Variants in BCAR3 observed in about 807,000 individuals in gnomAD.
The protein encoded by BCAR3 is breast cancer anti-estrogen resistance protein 3.
BCAR3 carries 37 observed loss-of-function variants against 80.1 expected under a neutral mutation model. The observed-to-expected ratio is 0.46, with a 90% CI of 0.36 to 0.61. BCAR3 has a LOEUF of 0.61. Among genes scored for constraint, BCAR3 ranks in the 20% least tolerant of loss-of-function variants. The pLI, the probability that BCAR3 is intolerant of heterozygous loss-of-function variation, is 0.00. For missense variants in BCAR3, 978 were observed against 1,068.2 expected, an observed-to-expected ratio of 0.92 and a Z score of 1.18; for synonymous variants, 389 against 418.9, an observed-to-expected ratio of 0.93 and a Z score of 0.87.
intron 2 of BCAR3, chr1:93,753,378 T>C (rs563732812): frequency 6.6e-6 from 1 of 152,354 alleles, no homozygotes; most frequent in South Asian, 2.1e-4. Flanking sequence ...TTGGATGGGA[T>C]GTCTCGCTGG....
At chr1:93,826,615 G>A (rs1233493927) in intron 2 of BCAR3, among the ~76,000 whole-genome samples, 1 of 152,162 alleles carries the variant, frequency 6.6e-6, no homozygotes, top group Non-Finnish European at 1.5e-5. Flanking sequence ...TTCCAGTGAG[G>A]GAGAAGACTT....
chr1:93,687,589 G>A (rs1429768914), intron 3 of BCAR3, among the ~76,000 whole-genome samples: 3 of 152,182 alleles, frequency 2.0e-5, no homozygotes, highest in African/African-American at 7.2e-5. Flanking sequence ...TTACAGGCGT[G>A]AGCCATCACA....
At chr1:93,598,716 CTT>C (rs930468745) in intron 3 of BCAR3, among the ~76,000 whole-genome samples, 67 of 152,332 alleles carry the variant, frequency 4.4e-4, no homozygotes, top group Non-Finnish European at 9.0e-4. Context: ...TACCCCACCT[CTT>C]TGTCCTTTGG....
chr1:93,843,765 G>A (rs1327839625), intron 2 of BCAR3, among the ~76,000 whole-genome samples: 3 of 152,054 alleles, frequency 2.0e-5, no homozygotes, highest in Non-Finnish European at 4.4e-5. Flanking sequence ...TTTGCTTATT[G>A]CTTCATATTC....
chr1:93,600,988 G>C (rs1046322669), intron 3 of BCAR3, among the ~76,000 whole-genome samples: 4 of 152,152 alleles, frequency 2.6e-5, no homozygotes, highest in Non-Finnish European at 5.9e-5. Flanking sequence ...TTGTCACATT[G>C]GGTGTGGAGG....
chr1:93,756,628 A>T (rs1651759508), intron 2 of BCAR3, among the ~76,000 whole-genome samples: 1 of 152,266 alleles, frequency 6.6e-6, no homozygotes, highest in Admixed American at 6.5e-5. Flanking sequence ...AAACATTTTT[A>T]AAAATTACTT....
intron 2 of BCAR3, among the ~76,000 whole-genome samples, chr1:93,786,727 A>G (rs925126079): frequency 6.6e-6 from 1 of 152,350 alleles, no homozygotes; most frequent in South Asian, 2.1e-4. Flanking sequence ...TTTTCCTTCC[A>G]GGTTTCCAAG....
At chr1:93,577,079 A>C (rs116668015) in intron 7 of BCAR3, among the ~76,000 whole-genome samples, 2,580 of 152,270 alleles carry the variant, frequency 0.017, 29 homozygotes, top group Non-Finnish European at 0.025. Context: ...ACTTGAGTAC[A>C]GGAGTTTGAG....
chr1:93,846,756 C>G (rs1160019381), intron 1 of BCAR3: 1 of 425,296 alleles, frequency 2.4e-6, no homozygotes, highest in African/African-American at 2.2e-5. Flanking sequence ...GGCGCGCGGG[C>G]TCGGGGCAGC....
At chr1:93,836,282 A>G (rs1356873236) in intron 2 of BCAR3, among the ~76,000 whole-genome samples, 2 of 152,166 alleles carry the variant, frequency 1.3e-5, no homozygotes, top group Non-Finnish European at 2.9e-5. Context: ...GAGCCTAAAA[A>G]CTTGCCAACC....
At chr1:93,718,691 T>TC (rs936777291) in intron 2 of BCAR3, among the ~76,000 whole-genome samples, 2 of 9,096 alleles carry the variant, frequency 2.2e-4, no homozygotes, top group African/African-American at 4.9e-4. Context: ...TGTTTTTCTT[T>TC]TTTTTTTTTT....
chr1:93,803,379 C>G (rs988376125), intron 2 of BCAR3, among the ~76,000 whole-genome samples: 3 of 152,180 alleles, frequency 2.0e-5, no homozygotes, highest in African/African-American at 7.2e-5. Context: ...TGTTTCCTTT[C>G]TTCCTTCCTA....
intron 3 of BCAR3, among the ~76,000 whole-genome samples, chr1:93,621,864 T>TTTGTTC (rs1228546750): frequency 6.7e-6 from 1 of 148,504 alleles, no homozygotes; most frequent in Non-Finnish European, 1.5e-5. Flanking sequence ...CCACATTGGT[T>TTTGTTC]TTGTTTTTGT....
intron 2 of BCAR3, among the ~76,000 whole-genome samples, chr1:93,722,001 A>G (rs968722181): frequency 6.6e-6 from 1 of 152,208 alleles, no homozygotes; most frequent in African/African-American, 2.4e-5. Flanking sequence ...TGTCTCCCCA[A>G]ATCACAGAAG....
chr1:93,668,816 A>G (rs1324486095), intron 2 of BCAR3, among the ~76,000 whole-genome samples: 1 of 150,670 alleles, frequency 6.6e-6, no homozygotes, highest in African/African-American at 2.4e-5. Context: ...AGTTCAAGTG[A>G]TTCTCCTGCC....
intron 3 of BCAR3, among the ~76,000 whole-genome samples, chr1:93,593,670 C>T (rs1202176923): frequency 6.6e-6 from 1 of 152,108 alleles, no homozygotes; most frequent in Non-Finnish European, 1.5e-5. Flanking sequence ...CCACCATGCC[C>T]GGCCTATTAC....
chr1:93,582,353 G>T lies in BCAR3; in HGVS notation c.1634C>A (p.Thr545Asn). 1 of 1,614,206 alleles carries T rather than the reference G, an allele frequency of 6.2e-7. No homozygotes were observed. The highest frequency in any genetic ancestry group is 8.5e-7 in the Non-Finnish European group (1 of 1,180,034). Residue 545 changes from threonine to asparagine, a missense_variant, in exon 7 of 12, where the codon ACC becomes AAC. Physicochemically the swap from Thr to Asn is moderately conservative, Grantham distance 65. Transcript: ENST00000260502. Reference protein sequence around the residue: ...AMLKRAKELFTNNDPKVIAQH... With the variant: ...AMLKRAKELFNNNDPKVIAQH... ...GGCGATGACCTTGGGGTCGTTGTTG[G>T]TGAACAGTTCTTTTGCACGTTTCAA...
chr1:93,730,962 G>A (rs529757798), intron 2 of BCAR3, among the ~76,000 whole-genome samples: 4 of 152,348 alleles, frequency 2.6e-5, no homozygotes, highest in African/African-American at 9.6e-5. Flanking sequence ...TGGGCAGCAT[G>A]TGCCCTTGGT....
chr1:93,642,469 G>T, intron 2 of BCAR3, 126 bp from the exon 3 acceptor site: 1 of 887,630 alleles, frequency 1.1e-6, no homozygotes, highest in Non-Finnish European at 1.8e-6. Flanking sequence ...CTCCCAGGCA[G>T]TATTCACAAC....
Sources: gnomAD v4.1 joint callset for allele counts (sites outside exome capture counted in the v4.1 genomes callset) on GRCh38, gnomAD v4.1.1 for gene constraint, MANE v1.5 for transcripts, NCBI Gene and HGNC (gene_info 2026-07-23, HGNC 2026-07-21) for gene names.